CDKL5: variants seen among roughly 807,000 people sequenced by gnomAD.
CDKL5 encodes the protein cyclin dependent kinase like 5, also known as cyclin-dependent kinase-like 5.
A neutral mutation model predicts 61.7 loss-of-function variants in CDKL5; 8 were observed. That is an observed-to-expected ratio of 0.13 (90% confidence interval 0.08 to 0.23). CDKL5 has a LOEUF of 0.23. Ranked by LOEUF, CDKL5 falls within the 10% of genes least tolerant of loss-of-function variation. The pLI, the probability that CDKL5 is intolerant of heterozygous loss-of-function variation, is 1.00. For missense variants in CDKL5, 440 were observed against 734.5 expected (o/e 0.60, Z 4.63); for synonymous variants, 275 against 272.3 (o/e 1.01, Z -0.10).
intron 12 of CDKL5, among the ~76,000 whole-genome samples, chrX:18,607,718 A>C (rs1304702133): frequency 8.9e-6 from 1 of 112,070 alleles, no homozygotes; most frequent in Non-Finnish European, 1.9e-5. Context: ...GTATCGGGCC[A>C]CCTTGAAAAG....
intron 1 of CDKL5, among the ~76,000 whole-genome samples, chrX:18,491,721 AAG>A (rs1277187100): frequency 1.8e-5 from 2 of 111,738 alleles, no homozygotes; most frequent in African/African-American, 3.2e-5. Flanking sequence ...GGATACAAAA[AAG>A]ATACGTGATA....
At position 18,639,558 on chromosome X, in the gene CDKL5, A is replaced by T. The variant is rs1052566415; in HGVS notation, c.*10801A>T. Among the ~76,000 whole-genome samples the T allele has an allele frequency of 3.6e-5, 4 of 112,403 alleles. No individual in the cohort carries two copies. The highest frequency in any genetic ancestry group is 1.3e-4 in the African/African-American group (4 of 30,941). ...GGAAGCCTCCTACATTGCTGGTGGA[A>T]ATGTAAAATGATGCAGCCACTTGGG... is the stretch of plus-strand genomic sequence containing the variant. On this transcript the variant is annotated 3_prime_UTR_variant, in exon 18 of 18. Coordinates refer to ENST00000623535, the MANE Select transcript of CDKL5 (RefSeq NM_001323289.2).
At chrX:18,432,027 G>C (rs925039186) in intron 1 of CDKL5, among the ~76,000 whole-genome samples, 1 of 108,971 alleles carries the variant, frequency 9.2e-6, no homozygotes, top group African/African-American at 3.3e-5. Flanking sequence ...TCCCACCTCA[G>C]CCTCTTGAGT....
chrX:18,501,693 C>T (rs190872953), intron 1 of CDKL5, among the ~76,000 whole-genome samples: 24 of 110,188 alleles, frequency 2.2e-4, no homozygotes, highest in Non-Finnish European at 4.0e-4. Context: ...GCACTACAGG[C>T]GCGCACCACC....
intron 3 of CDKL5, among the ~76,000 whole-genome samples, chrX:18,521,230 T>C (rs1304204019): frequency 3.6e-5 from 4 of 112,280 alleles, no homozygotes; most frequent in African/African-American, 1.3e-4. Context: ...GGTTGTCTTT[T>C]TGGTTGAATT....
At chrX:18,509,246 C>CACACAG (rs1555940191) in intron 2 of CDKL5, among the ~76,000 whole-genome samples, 1 of 97,242 alleles carries the variant, frequency 1.0e-5, no homozygotes, top group South Asian at 4.7e-4. Flanking sequence ...CACACACACA[C>CACACAG]CCCTGTCAAG....
chrX:18,624,403 T>C (rs1404038256), intron 16 of CDKL5, among the ~76,000 whole-genome samples: 1 of 112,673 alleles, frequency 8.9e-6, no homozygotes, highest in East Asian at 2.8e-4. Flanking sequence ...ATTGACCAAA[T>C]TGAATGAGCT....
At chrX:18,453,607 T>G (rs1418366775) in intron 1 of CDKL5, among the ~76,000 whole-genome samples, 1 of 112,016 alleles carries the variant, frequency 8.9e-6, no homozygotes, top group Admixed American at 9.5e-5. Flanking sequence ...ATCATTAATG[T>G]TAAAATTGAG....
At chrX:18,512,805 A>T (rs1922874533) in intron 3 of CDKL5, among the ~76,000 whole-genome samples, 1 of 111,502 alleles carries the variant, frequency 9.0e-6, no homozygotes, top group South Asian at 3.7e-4. Flanking sequence ...GCCTTTAGTT[A>T]TAAGTTTCTG....
At chrX:18,427,481 C>A (rs996832524) in intron 1 of CDKL5, among the ~76,000 whole-genome samples, 1 of 109,761 alleles carries the variant, frequency 9.1e-6, no homozygotes, top group South Asian at 3.9e-4. Context: ...ACAAAAGAGG[C>A]ATACTAAATA....
rs1927188809 is a variant in CDKL5, at chrX:18,629,994, C to T, written c.*1237C>T. 2 of 754,058 alleles carry T rather than the reference C, an allele frequency of 2.7e-6. No individual in the cohort carries two copies. Among genetic ancestry groups the T allele is most frequent in the Middle Eastern group, 1.5e-3 (2 of 1,321 alleles). 62.1% of individuals were successfully genotyped at this position (754,058 alleles called of 1,213,427 possible). A position where few individuals can be genotyped will look rare whatever the true frequency, so the allele number is the denominator to read the frequency against. On this transcript the variant is annotated 3_prime_UTR_variant, in exon 18 of 18. Transcript: ENST00000623535. ...TGCTCCTGAATATTGTCCACTGTCCCGGAGACTCTTGGCTGATGGGGTGTG... is the reference window on the plus strand; with the variant it reads ...TGCTCCTGAATATTGTCCACTGTCCTGGAGACTCTTGGCTGATGGGGTGTG...
intron 15 of CDKL5, among the ~76,000 whole-genome samples, chrX:18,615,368 T>TA (rs1926684584): frequency 1.8e-5 from 2 of 112,232 alleles, no homozygotes; most frequent in Non-Finnish European, 3.8e-5. Context: ...TTTGGTAACT[T>TA]ACAAAAAACA....
At chrX:18,566,905 A>G (rs765964874) in intron 4 of CDKL5, among the ~76,000 whole-genome samples, 1 of 111,356 alleles carries the variant, frequency 9.0e-6, no homozygotes, top group South Asian at 3.8e-4. Flanking sequence ...ACCATCCCTC[A>G]GAGGCATGCA....
At chrX:18,615,321 G>T (rs1195129396) in intron 15 of CDKL5, among the ~76,000 whole-genome samples, 1 of 111,726 alleles carries the variant, frequency 9.0e-6, no homozygotes, top group African/African-American at 3.3e-5. Context: ...CTCTCGAATT[G>T]GTTCATCAGA....
chrX:18,442,638 T>C (rs910196660), intron 1 of CDKL5, among the ~76,000 whole-genome samples: 3 of 110,675 alleles, frequency 2.7e-5, no homozygotes, highest in Non-Finnish European at 5.7e-5. Flanking sequence ...GGACTACAGG[T>C]GCCCGCCTCC....
At chrX:18,588,212 A>G (rs1322276498) in intron 9 of CDKL5, 69 bp downstream of exon 9, 10 of 790,221 alleles carry the variant, frequency 1.3e-5, no homozygotes, top group Admixed American at 4.4e-5. Context: ...TCATTGCACA[A>G]TGGAATGCTA....
chrX:18,505,285 A>G (rs1922538909), intron 1 of CDKL5, among the ~76,000 whole-genome samples: 1 of 111,476 alleles, frequency 9.0e-6, no homozygotes, highest in Non-Finnish European at 1.9e-5. Context: ...CCCTTTAAAA[A>G]CTTTAGTGCT....
At chrX:18,435,669 C>T (rs200033908) in intron 1 of CDKL5, among the ~76,000 whole-genome samples, 3 of 111,402 alleles carry the variant, frequency 2.7e-5, no homozygotes, top group Admixed American at 9.6e-5. Context: ...TGGGTTCAAG[C>T]GATTTTTGTG....
Position 18,640,017 on chromosome X carries a change from G to A in CDKL5, c.*11260G>A, listed in dbSNP as rs1315891949. On this transcript the variant is annotated 3_prime_UTR_variant, in exon 18 of 18. Coordinates refer to ENST00000623535, the MANE Select transcript of CDKL5 (RefSeq NM_001323289.2). ...CTTGGGGTGGCCGATGGGTTGGGGA[G>A]TGTTGGCTGATGGGTGCAGGATTTC... 1 of 111,826 alleles carries A rather than the reference G, an allele frequency of 8.9e-6. No individual in the cohort carries two copies. The highest frequency in any genetic ancestry group is 3.3e-5 in the African/African-American group (1 of 30,705). 9.2% of individuals were successfully genotyped at this position (111,826 alleles called of 1,213,427 possible). A position where few individuals can be genotyped will look rare whatever the true frequency, so the allele number is the denominator to read the frequency against.
Sources: gnomAD v4.1 joint callset for allele counts (sites outside exome capture counted in the v4.1 genomes callset) on GRCh38, gnomAD v4.1.1 for gene constraint, MANE v1.5 for transcripts, NCBI Gene and HGNC (gene_info 2026-07-23, HGNC 2026-07-21) for gene names.